Variants in SLAIN1 observed in about 807,000 individuals in gnomAD.
SLAIN1 encodes the protein SLAIN family member 1.
Under a neutral mutation model 55.4 loss-of-function variants are expected in SLAIN1, and 17 were observed. That is an observed-to-expected ratio of 0.31 (90% CI 0.21 to 0.46). SLAIN1 has a LOEUF of 0.46. Ranked by LOEUF, SLAIN1 falls within the 20% of genes least tolerant of loss-of-function variation. The pLI is 1.00. For missense variants in SLAIN1, 682 were observed against 785.1 expected (o/e 0.87, Z 1.57); for synonymous variants, 348 against 337.4 (o/e 1.03, Z -0.35).
At chr13:77,753,181 A>G (rs1325441420) in intron 4 of SLAIN1, 22 bp from the exon 5 acceptor site, 1 of 1,566,018 alleles carries the variant, frequency 6.4e-7, no homozygotes, top group Non-Finnish European at 8.6e-7. Context: ...GTCATTTTTA[A>G]CTTAGTAAAA....
At chr13:77,707,625 G>A (rs2091103672) in intron 1 of SLAIN1, among the ~76,000 whole-genome samples, 1 of 152,118 alleles carries the variant, frequency 6.6e-6, no homozygotes, top group East Asian at 1.9e-4. Flanking sequence ...TGGATGGGTA[G>A]CCAGGCCACA....
At chr13:77,749,147 TATAG>T (rs1424028097) in intron 4 of SLAIN1, among the ~76,000 whole-genome samples, 2 of 152,114 alleles carry the variant, frequency 1.3e-5, no homozygotes, top group African/African-American at 4.8e-5. Flanking sequence ...ATCAAAATAA[TATAG>T]ATAGAAAATA....
intron 1 of SLAIN1, among the ~76,000 whole-genome samples, chr13:77,706,560 C>G (rs1371521208): frequency 6.6e-6 from 1 of 152,100 alleles, no homozygotes; most frequent in East Asian, 1.9e-4. Flanking sequence ...TCTCATTGCT[C>G]TAGTTTTTAC....
At chr13:77,720,890 TTAA>T (rs2091255299) in intron 2 of SLAIN1, among the ~76,000 whole-genome samples, 1 of 152,168 alleles carries the variant, frequency 6.6e-6, no homozygotes, top group African/African-American at 2.4e-5. Context: ...AACAGGTGAC[TTAA>T]TAATGGAAAG....
intron 1 of SLAIN1, among the ~76,000 whole-genome samples, chr13:77,708,570 C>A: frequency 6.6e-6 from 1 of 152,168 alleles, no homozygotes; most frequent in Admixed American, 6.5e-5. Flanking sequence ...AAGGAACAGG[C>A]AGCAATCTTT....
chr13:77,717,312 A>G (rs2154409632), intron 1 of SLAIN1, among the ~76,000 whole-genome samples: 1 of 152,238 alleles, frequency 6.6e-6, no homozygotes, highest in South Asian at 2.1e-4. Flanking sequence ...TTTTGGTGTC[A>G]AGGTAACACT....
chr13:77,715,669 A>G (rs538481339), intron 1 of SLAIN1, among the ~76,000 whole-genome samples: 7 of 152,180 alleles, frequency 4.6e-5, no homozygotes, highest in Admixed American at 2.6e-4. Flanking sequence ...GGTTTTAGCT[A>G]TTTTTCTAAT....
chr13:77,703,396 C>T (rs1053495352), intron 1 of SLAIN1, among the ~76,000 whole-genome samples: 1 of 152,090 alleles, frequency 6.6e-6, no homozygotes, highest in African/African-American at 2.4e-5. Context: ...ACCACCTAAA[C>T]TGTTTTTTGC....
At chr13:77,714,820 C>T (rs2091190696) in intron 1 of SLAIN1, among the ~76,000 whole-genome samples, 1 of 152,070 alleles carries the variant, frequency 6.6e-6, no homozygotes, top group Non-Finnish European at 1.5e-5. Context: ...CCTGTGGCCC[C>T]TTGTTTTCCT....
chr13:77,758,757 G>A (rs1399911106), intron 5 of SLAIN1, among the ~76,000 whole-genome samples: 1 of 151,954 alleles, frequency 6.6e-6, no homozygotes, highest in African/African-American at 2.4e-5. Flanking sequence ...TTTATTTCTG[G>A]GTTCTCTATT....
chr13:77,755,720 C>T (rs946423334), intron 5 of SLAIN1, among the ~76,000 whole-genome samples: 1 of 152,058 alleles, frequency 6.6e-6, no homozygotes, highest in African/African-American at 2.4e-5. Context: ...GTAGTAGATT[C>T]CAATTCATGC....
At chr13:77,752,977 A>G (rs1350375872) in intron 4 of SLAIN1, among the ~76,000 whole-genome samples, 2 of 152,152 alleles carry the variant, frequency 1.3e-5, no homozygotes, top group African/African-American at 2.4e-5. Flanking sequence ...CTTCAATCCA[A>G]TCAAGTTGGC....
intron 2 of SLAIN1, among the ~76,000 whole-genome samples, chr13:77,731,464 G>A (rs567954845): frequency 6.6e-6 from 1 of 152,202 alleles, no homozygotes; most frequent in South Asian, 2.1e-4. Context: ...TACCCTTTGT[G>A]CACCCTATTT....
intron 2 of SLAIN1, among the ~76,000 whole-genome samples, chr13:77,726,375 T>C (rs1304554678): frequency 6.6e-6 from 1 of 152,174 alleles, no homozygotes; most frequent in African/African-American, 2.4e-5. Flanking sequence ...AGATGACTAA[T>C]ATGTATCTAA....
chr13:77,739,567 A>G (rs1178846924), intron 2 of SLAIN1, among the ~76,000 whole-genome samples: 2 of 152,070 alleles, frequency 1.3e-5, no homozygotes, highest in Non-Finnish European at 2.9e-5. Context: ...GAATTAAGTA[A>G]TTGCTTTCTT....
chr13:77,757,938 G>A (rs1050151856), intron 5 of SLAIN1, among the ~76,000 whole-genome samples: 1 of 151,828 alleles, frequency 6.6e-6, no homozygotes, highest in Non-Finnish European at 1.5e-5. Context: ...TTTTCCTTTG[G>A]GTAGATACCC....
At chr13:77,744,694 T>C (rs750002041) in intron 3 of SLAIN1, among the ~76,000 whole-genome samples, 10 of 152,084 alleles carry the variant, frequency 6.6e-5, no homozygotes, top group Non-Finnish European at 1.0e-4. Context: ...CCTAAAAAAC[T>C]AAAGGTGCAA....
At chr13:77,735,427 G>C (rs956828844) in intron 2 of SLAIN1, among the ~76,000 whole-genome samples, 2 of 152,176 alleles carry the variant, frequency 1.3e-5, no homozygotes, top group East Asian at 3.9e-4. Context: ...AGCCCTGCAC[G>C]TTTTTCTGAG....
chr13:77,728,712 G>A (rs550994651), intron 2 of SLAIN1, among the ~76,000 whole-genome samples: 17 of 152,224 alleles, frequency 1.1e-4, no homozygotes, highest in African/African-American at 3.6e-4. Context: ...ACAGTTCTGC[G>A]AGTGACCCTT....
Sources: gnomAD v4.1 joint callset for allele counts (sites outside exome capture counted in the v4.1 genomes callset) on GRCh38, gnomAD v4.1.1 for gene constraint, MANE v1.5 for transcripts, NCBI Gene and HGNC (gene_info 2026-07-23, HGNC 2026-07-21) for gene names.